The following RPS6KA2 variants were observed in gnomAD, a reference collection of about 807,000 sequenced individuals.
RPS6KA2 encodes the protein ribosomal protein S6 kinase A2.
Under a neutral mutation model 91.8 loss-of-function variants are expected in RPS6KA2, and 42 were observed. The observed-to-expected ratio is 0.46, with a 90% confidence interval of 0.36 to 0.59. The LOEUF (loss-of-function observed/expected upper bound fraction) is 0.59. Among genes scored for constraint, RPS6KA2 ranks in the 20% least tolerant of loss-of-function variants. The pLI is 0.00. For synonymous variants in RPS6KA2, 414 were observed against 393.6 expected, an observed-to-expected ratio of 1.05 and a Z score of -0.61; for missense variants, 798 against 978.5, an observed-to-expected ratio of 0.82 and a Z score of 2.46.
At chr6:166,535,984 C>T (rs1209674845) in intron 2 of RPS6KA2, among the ~76,000 whole-genome samples, 1 of 152,224 alleles carries the variant, frequency 6.6e-6, no homozygotes, top group African/African-American at 2.4e-5. Context: ...AGAGCCTAAG[C>T]GGCTCACACA....
Position 166,508,253 on chromosome 6 carries a change from T to TCAGGTAGAGCTTTC in RPS6KA2, c.395_408dup (p.Ile137GlufsTer5). On this transcript the variant is annotated frameshift_variant, in exon 5 of 21. Transcript: ENST00000265678. LOFTEE classifies it high-confidence loss of function. The surrounding 1 kb of genome is among the most constrained non-coding windows in gnomAD (Gnocchi z 4.3). ...TCCCCTCCCCGCAGGAAGTCCAGGA[T>TCAGGTAGAGCTTTC]CAGGTAGAGCTTTCCTTCCGTCTGA... 2 of 1,613,562 alleles carry TCAGGTAGAGCTTTC rather than the reference T, an allele frequency of 1.2e-6. No homozygotes were observed. Among genetic ancestry groups the TCAGGTAGAGCTTTC allele is most frequent in the Non-Finnish European group, 1.7e-6 (2 of 1,179,566 alleles).
Position 166,419,963 on chromosome 6 carries a change from G to A in RPS6KA2, c.1744-5C>T, listed in dbSNP as rs1042121579. On this transcript the variant is annotated splice_region_variant and splice_polypyrimidine_tract_variant and intron_variant, in intron 17 of 20. Coordinates refer to ENST00000265678, the MANE Select transcript of RPS6KA2 (RefSeq NM_021135.6). The surrounding 1 kb of genome is among the most constrained non-coding windows in gnomAD (Gnocchi z 5.6). ...ATAGCCTTGACGCTTCAGGACCTAG[G>A]AGGGAACGACAGGACACCGGCACGC... 6 of 1,613,370 alleles carry A rather than the reference G, an allele frequency of 3.7e-6. No homozygotes were observed. The highest frequency in any genetic ancestry group is 3.3e-5 in the South Asian group (3 of 91,048).
At chr6:166,809,071 C>A (rs979226347) in intron 2 of RPS6KA2, among the ~76,000 whole-genome samples, 2 of 151,952 alleles carry the variant, frequency 1.3e-5, no homozygotes, top group Non-Finnish European at 1.5e-5. Flanking sequence ...AGAGAGAGAC[C>A]ACATATACAC....
rs1331795091 is a variant in RPS6KA2 at position 166,434,523 on chromosome 6, G to A, written c.1333-2033C>T. 6.6e-6 allele frequency among the ~76,000 whole-genome samples: 1 copy of A among 152,236 alleles called. No individual in the cohort carries two copies. The highest frequency in any genetic ancestry group is 1.5e-5 in the Non-Finnish European group (1 of 68,040). On this transcript the variant is annotated intron_variant, in intron 14 of 20. Coordinates refer to ENST00000265678, the MANE Select transcript of RPS6KA2 (RefSeq NM_021135.6). This position sits in a 1 kb window ranked among gnomAD's most constrained non-coding sequence, Gnocchi z 4.4. ...GTCCTGCACTGCTTGTAGGGAAGCT[G>A]GCTGTCAGGTACCCAAACTCCTCTG...
intron 2 of RPS6KA2, among the ~76,000 whole-genome samples, chr6:166,729,189 C>T (rs913888277): frequency 6.6e-6 from 1 of 152,220 alleles, no homozygotes; most frequent in African/African-American, 2.4e-5. Context: ...CAACCCCTTC[C>T]AGCTGTCACC....
At chr6:166,438,342 C>T (rs532304252) in intron 14 of RPS6KA2, among the ~76,000 whole-genome samples, 62 of 152,322 alleles carry the variant, frequency 4.1e-4, no homozygotes, top group Admixed American at 2.9e-3. Flanking sequence ...TTCTTTTCAA[C>T]GGTCTCACGT....
chr6:166,768,209 C>A (rs1008390500), intron 2 of RPS6KA2, among the ~76,000 whole-genome samples: 23 of 152,222 alleles, frequency 1.5e-4, no homozygotes, highest in African/African-American at 4.8e-4. Flanking sequence ...AAGCTCCCCC[C>A]GTTCTGGTTG....
chr6:166,653,165 A>G (rs1418564132), intron 2 of RPS6KA2, among the ~76,000 whole-genome samples: 1 of 152,228 alleles, frequency 6.6e-6, no homozygotes, highest in Admixed American at 6.5e-5. Context: ...GGTTCAAGCA[A>G]TTCTCGTGCC....
intron 3 of RPS6KA2, among the ~76,000 whole-genome samples, chr6:166,521,254 C>T (rs912858314): frequency 1.3e-5 from 2 of 152,238 alleles, no homozygotes; most frequent in Non-Finnish European, 2.9e-5. Flanking sequence ...CATCCAACTA[C>T]ACTGGATTGG....
At chr6:166,725,496 C>A (rs1790307746) in intron 2 of RPS6KA2, among the ~76,000 whole-genome samples, 1 of 152,256 alleles carries the variant, frequency 6.6e-6, no homozygotes, top group South Asian at 2.1e-4. Flanking sequence ...CTTTCTCCAG[C>A]CTCCGAGAGC....
chr6:166,517,895 C>T (rs1054993404), intron 3 of RPS6KA2, among the ~76,000 whole-genome samples: 3 of 152,144 alleles, frequency 2.0e-5, no homozygotes, highest in Non-Finnish European at 2.9e-5. Context: ...CTTTATTTCC[C>T]GTAAGGAATA....
intron 2 of RPS6KA2, among the ~76,000 whole-genome samples, chr6:166,816,415 T>C (rs896278392): frequency 2.8e-5 from 3 of 106,992 alleles, no homozygotes; most frequent in Non-Finnish European, 4.0e-5. Context: ...AATAGCTGGG[T>C]GTGGTGGCAC....
At position 166,474,653 on chromosome 6, in the gene RPS6KA2, T is replaced by C. The variant is rs6912216; in HGVS notation, c.908-4748A>G. 7.3e-3 allele frequency among the ~76,000 whole-genome samples: 1,115 copies of C among 152,236 alleles called. 14 individuals carry two copies. The highest frequency in any genetic ancestry group is 0.026 in the African/African-American group (1,064 of 41,544). On this transcript the variant is annotated intron_variant, in intron 10 of 20. Transcript: ENST00000265678. ...GGAGATAACAAATAACAAACACTGG[T>C]GCTGAAAACCCCAGCAGTTCCTGAT... is the stretch of plus-strand genomic sequence containing the variant.
chr6:166,564,694 C>T (rs1236536177), intron 1 of RPS6KA2, among the ~76,000 whole-genome samples: 1 of 152,194 alleles, frequency 6.6e-6, no homozygotes, highest in East Asian at 1.9e-4. Context: ...GTAAAAACAG[C>T]TGTTTTCCAA....
chr6:166,551,042 C>CACTAATT (rs1215259259), intron 1 of RPS6KA2, among the ~76,000 whole-genome samples: 1 of 142,510 alleles, frequency 7.0e-6, no homozygotes, highest in Admixed American at 7.3e-5. Context: ...CTCTCTGTAA[C>CACTAATT]ACTAATTAGA....
intron 2 of RPS6KA2, among the ~76,000 whole-genome samples, chr6:166,812,826 A>G (rs6931461): frequency 0.02 from 3,069 of 152,338 alleles, 114 homozygotes; most frequent in African/African-American, 0.07. Context: ...CATCACTGAG[A>G]AATATGTTAA....
Position 166,504,487 on chromosome 6 carries a change from C to G in RPS6KA2, c.566+19G>C. Reference sequence around the variant, plus strand: ...GCTGATGGGCGTGGGGAAGTCAGCCCTAGTTTTTTCTCACTTACTTCTCAG... The same window carrying G: ...GCTGATGGGCGTGGGGAAGTCAGCCGTAGTTTTTTCTCACTTACTTCTCAG... On this transcript the variant is annotated intron_variant, in intron 6 of 20. Transcript: ENST00000265678. 2 of 1,501,978 alleles carry G rather than the reference C, an allele frequency of 1.3e-6. No individual in the cohort carries two copies. Among genetic ancestry groups the G allele is most frequent in the Non-Finnish European group, 1.8e-6 (2 of 1,086,734 alleles). 93.0% of individuals were successfully genotyped at this position (1,501,978 alleles called of 1,614,324 possible).
intron 2 of RPS6KA2, among the ~76,000 whole-genome samples, chr6:166,810,999 C>T (rs1354012772): frequency 6.6e-6 from 1 of 152,172 alleles, no homozygotes; most frequent in African/African-American, 2.4e-5. Context: ...CCCGGAGGCC[C>T]GCACAGCTGG....
At chr6:166,618,434 G>T (rs1479013193) in intron 1 of RPS6KA2, among the ~76,000 whole-genome samples, 1 of 152,194 alleles carries the variant, frequency 6.6e-6, no homozygotes, top group African/African-American at 2.4e-5. Context: ...TGTGGAAGGG[G>T]TATGGGTAGG....
Sources: allele counts gnomAD v4.1 joint callset (sites outside exome capture counted in the v4.1 genomes callset), GRCh38; gene constraint gnomAD v4.1.1; non-coding constraint Gnocchi (gnomAD v3.1); transcripts MANE v1.5; gene names NCBI Gene and HGNC (gene_info 2026-07-23, HGNC 2026-07-21).